ATP10A: variants seen among roughly 807,000 people sequenced by gnomAD.
ATP10A encodes phospholipid-transporting ATPase VA.
A neutral mutation model predicts 147.8 loss-of-function variants in ATP10A; 111 were observed. That is an observed-to-expected ratio of 0.75 (90% CI 0.64 to 0.88). ATP10A has a LOEUF of 0.88. Ranked by LOEUF, ATP10A falls within the 40% of genes least tolerant of loss-of-function variation. The pLI, the probability that ATP10A is intolerant of heterozygous loss-of-function variation, is 0.00. For missense variants in ATP10A, 1,927 were observed against 1,959.0 expected, an observed-to-expected ratio of 0.98 and a Z score of 0.31; for synonymous variants, 875 against 841.6, an observed-to-expected ratio of 1.04 and a Z score of -0.69.
chr15:25,781,666 A>AG (rs1381622548), intron 1 of ATP10A, among the ~76,000 whole-genome samples: 7 of 149,530 alleles, frequency 4.7e-5, no homozygotes. Context: ...AAAAAAAAGA[A>AG]GGAAAAAAAA....
At chr15:25,718,813 G>A (rs1007775940) in intron 7 of ATP10A, among the ~76,000 whole-genome samples, 3 of 152,154 alleles carry the variant, frequency 2.0e-5, no homozygotes, top group African/African-American at 7.2e-5. Context: ...ACCTGGTGCT[G>A]AGCTCCTTGC....
chr15:25,822,319 T>G (rs1891926315), intron 1 of ATP10A, among the ~76,000 whole-genome samples: 1 of 152,194 alleles, frequency 6.6e-6, no homozygotes, highest in South Asian at 2.1e-4. Flanking sequence ...CGGTAGTACT[T>G]CTGAAAACAC....
intron 2 of ATP10A, among the ~76,000 whole-genome samples, chr15:25,764,990 T>C (rs1381475485): frequency 6.6e-6 from 1 of 152,202 alleles, no homozygotes; most frequent in Non-Finnish European, 1.5e-5. Context: ...CTGAAGCGTT[T>C]GTCTGTGGAA....
chr15:25,847,538 G>C (rs1178935154), intron 1 of ATP10A, among the ~76,000 whole-genome samples: 1 of 150,228 alleles, frequency 6.7e-6, no homozygotes, highest in African/African-American at 2.5e-5. Context: ...GCGGGTCACG[G>C]GGTCTTCATG....
At chr15:25,769,239 C>G (rs1327742671) in intron 2 of ATP10A, among the ~76,000 whole-genome samples, 3 of 152,116 alleles carry the variant, frequency 2.0e-5, no homozygotes, top group Non-Finnish European at 4.4e-5. Flanking sequence ...GTAATCCCAG[C>G]ACTTTGGGAG....
intron 10 of ATP10A, among the ~76,000 whole-genome samples, chr15:25,711,169 T>C (rs1227433684): frequency 6.6e-6 from 1 of 152,134 alleles, no homozygotes. Context: ...GGCCCCATCC[T>C]GCTGATATCA....
At chr15:25,742,574 C>T (rs61998599) in intron 2 of ATP10A, among the ~76,000 whole-genome samples, 46,337 of 152,066 alleles carry the variant, frequency 0.3, 8,250 homozygotes, top group Non-Finnish European at 0.4. Flanking sequence ...GCTCACAGTG[C>T]GGGGTTAGAG....
chr15:25,672,853 G>A (rs188981309), downstream of ATP10A, among the ~76,000 whole-genome samples: 151 of 152,218 alleles, frequency 9.9e-4, 3 homozygotes, highest in East Asian at 5.8e-4. Flanking sequence ...AGGGTAGACC[G>A]AGGGTAAGGG....
chr15:25,830,106 C>T (rs1166481302), intron 1 of ATP10A, among the ~76,000 whole-genome samples: 1 of 152,118 alleles, frequency 6.6e-6, no homozygotes, highest in East Asian at 1.9e-4. Context: ...TCCAAGGCCT[C>T]AGCCAGCAGG....
intron 2 of ATP10A, among the ~76,000 whole-genome samples, chr15:25,760,406 A>G (rs1441000743): frequency 6.6e-6 from 1 of 152,216 alleles, no homozygotes; most frequent in Non-Finnish European, 1.5e-5. Context: ...GTTCACGAAT[A>G]ACCAAATTTC....
chr15:25,679,136 A>G lies in ATP10A; in HGVS notation c.*205T>C, dbSNP rs559502916. On this transcript the variant is annotated 3_prime_UTR_variant, in exon 21 of 21. Coordinates refer to ENST00000555815, the MANE Select transcript of ATP10A (RefSeq NM_024490.4). Reference sequence around the variant, plus strand: ...GTGTTACTCTTCTTTAAACTTTTATATATGTTAAGGCTCTTCTTTTTCTTT... The same window carrying G: ...GTGTTACTCTTCTTTAAACTTTTATGTATGTTAAGGCTCTTCTTTTTCTTT... 100 of 296,692 alleles carry G rather than the reference A, an allele frequency of 3.4e-4. No individual in the cohort carries two copies. Among genetic ancestry groups the G allele is most frequent in the Non-Finnish European group, 5.3e-4 (91 of 171,298 alleles). 18.4% of individuals were successfully genotyped at this position (296,692 alleles called of 1,614,324 possible). A position where few individuals can be genotyped will look rare whatever the true frequency, so the allele number is the denominator to read the frequency against.
chr15:25,767,045 A>G (rs1889064390), intron 2 of ATP10A, among the ~76,000 whole-genome samples: 1 of 152,154 alleles, frequency 6.6e-6, no homozygotes. Flanking sequence ...CTGCTCCGCT[A>G]CGTAGCACAT....
At chr15:25,743,487 C>T (rs1026407613) in intron 2 of ATP10A, among the ~76,000 whole-genome samples, 2 of 152,166 alleles carry the variant, frequency 1.3e-5, no homozygotes, top group African/African-American at 4.8e-5. Flanking sequence ...AATAAAAAGA[C>T]AAAAATCCAG....
In ATP10A at chr15:25,708,587, C is replaced by T. The variant is rs1170966467; in HGVS notation, c.2345-287G>A. 1.6e-5 allele frequency: 6 copies of T among 377,410 alleles called. No homozygotes were observed. The Admixed American group carries it at 1.8e-4, about 11-fold the overall frequency. 23.4% of individuals were successfully genotyped at this position (377,410 alleles called of 1,614,324 possible). A position where few individuals can be genotyped will look rare whatever the true frequency, so the allele number is the denominator to read the frequency against. ...CCACCCGCCTCGGCCTCCGAAAGTA[C>T]TGGGATTACAGATGTGAGCCACTGC... On this transcript the variant is annotated intron_variant, in intron 10 of 20. Transcript: ENST00000555815.
At chr15:25,864,414 C>T (rs1231296642), upstream of ATP10A, among the ~76,000 whole-genome samples, 2 of 152,192 alleles carry the variant, frequency 1.3e-5, no homozygotes, top group Non-Finnish European at 2.9e-5. Flanking sequence ...CAGGCTCTTC[C>T]TGGGGGTGCC....
intron 1 of ATP10A, among the ~76,000 whole-genome samples, chr15:25,821,754 C>A (rs896424565): frequency 6.6e-6 from 1 of 152,110 alleles, no homozygotes; most frequent in African/African-American, 2.4e-5. Flanking sequence ...TATTTCATGG[C>A]GTAGGAAACA....
chr15:25,767,224 T>C (rs1596845777), intron 2 of ATP10A, among the ~76,000 whole-genome samples: 1 of 152,214 alleles, frequency 6.6e-6, no homozygotes, highest in South Asian at 2.1e-4. Flanking sequence ...TTCTGGCAGG[T>C]GCTGCAGCAG....
At chr15:25,820,310 TA>T in intron 1 of ATP10A, among the ~76,000 whole-genome samples, 1 of 152,244 alleles carries the variant, frequency 6.6e-6, no homozygotes, top group African/African-American at 2.4e-5. Flanking sequence ...GTTAAAGAAG[TA>T]AATTTCAAAA....
chr15:25,861,829 C>T (rs183070926), intron 1 of ATP10A: 1 of 158,470 alleles, frequency 6.3e-6, no homozygotes, highest in East Asian at 1.9e-4. Context: ...CTGGACACAG[C>T]TCCAAGATGG....
Sources: allele counts gnomAD v4.1 joint callset (sites outside exome capture counted in the v4.1 genomes callset), GRCh38; gene constraint gnomAD v4.1.1; transcripts MANE v1.5; gene names NCBI Gene and HGNC (gene_info 2026-07-23, HGNC 2026-07-21).